STK32B: variants seen among roughly 807,000 people sequenced by gnomAD.
STK32B encodes serine/threonine kinase 32B.
A neutral mutation model predicts 52.6 loss-of-function variants in STK32B; 43 were observed. The ratio of observed to expected loss-of-function variants is 0.82; its 90% CI spans 0.64 to 1.05. The LOEUF is 1.05. STK32B is among the 50% of genes least tolerant of loss of function. The pLI is 0.00. For synonymous variants in STK32B, 238 were observed against 204.3 expected (o/e 1.17, Z -1.41); for missense variants, 621 against 534.6 (o/e 1.16, Z -1.59).
chr4:5,183,130 A>G (rs191697215), intron 3 of STK32B, among the ~76,000 whole-genome samples: 1 of 152,292 alleles, frequency 6.6e-6, no homozygotes, highest in Admixed American at 6.5e-5. Context: ...TTCAACTTAA[A>G]GTCACCGACT....
At chr4:5,295,722 T>G (rs1372027875) in intron 3 of STK32B, among the ~76,000 whole-genome samples, 1 of 152,132 alleles carries the variant, frequency 6.6e-6, no homozygotes, top group Admixed American at 6.5e-5. Context: ...AAAAACCAGC[T>G]CCTGGATTTA....
chr4:5,172,374 C>T (rs559169013), intron 3 of STK32B, among the ~76,000 whole-genome samples: 17 of 152,224 alleles, frequency 1.1e-4, no homozygotes, highest in East Asian at 3.9e-4. Flanking sequence ...AGAGGGCATC[C>T]GTGTCTTGTG....
chr4:5,048,301 T>A (rs992594368), upstream of STK32B, among the ~76,000 whole-genome samples: 1 of 148,340 alleles, frequency 6.7e-6, no homozygotes, highest in African/African-American at 2.5e-5. Flanking sequence ...GGCTAATTTT[T>A]TTTTTTTTTT....
chr4:5,042,600 C>T, the STK32B span, among the ~76,000 whole-genome samples: 3 of 152,206 alleles, frequency 2.0e-5, no homozygotes, highest in Non-Finnish European at 2.9e-5. Context: ...TCGCATTTCT[C>T]GGGGCTTGCA....
At chr4:5,482,076 T>C (rs1718762137) in intron 11 of STK32B, among the ~76,000 whole-genome samples, 3 of 152,206 alleles carry the variant, frequency 2.0e-5, no homozygotes, top group Admixed American at 2.0e-4. Context: ...GGGCTCTATT[T>C]TGGTTCCATA....
At chr4:5,348,770 CA>C (rs537558336) in intron 4 of STK32B, among the ~76,000 whole-genome samples, 43 of 152,314 alleles carry the variant, frequency 2.8e-4, no homozygotes, top group African/African-American at 9.6e-4. Context: ...CATGCACCAT[CA>C]GGGGGCCTGA....
chr4:5,156,463 G>C lies in STK32B; in HGVS notation c.109-11836G>C, dbSNP rs537677505. 3.9e-5 allele frequency among the ~76,000 whole-genome samples: 6 copies of C among 152,098 alleles called. No individual in the cohort carries two copies. The East Asian group carries it at 9.7e-4, about 25-fold the overall frequency. On this transcript the variant is annotated intron_variant, in intron 2 of 11. Coordinates refer to ENST00000282908, the MANE Select transcript of STK32B (RefSeq NM_018401.3). ...CACTCCTCTATTTCCACTCACCCTC[G>C]TCCAGCCCCTACTCTTCACTCTCCA...
intron 8 of STK32B, among the ~76,000 whole-genome samples, chr4:5,459,282 G>GGCCC (rs1716831935): frequency 2.3e-5 from 3 of 133,044 alleles, no homozygotes; most frequent in Non-Finnish European, 3.2e-5. Context: ...ACCCTGGTGT[G>GGCCC]CCCCCCCCCC....
At chr4:5,178,485 C>G (rs181200579) in intron 3 of STK32B, among the ~76,000 whole-genome samples, 1 of 152,328 alleles carries the variant, frequency 6.6e-6, no homozygotes, top group East Asian at 1.9e-4. Flanking sequence ...TCTTGGTGAT[C>G]AGCATTTGGC....
rs1308576053 is a variant in STK32B at position 5,453,372 on chromosome 4, T to C, written c.667-3435T>C. 6.6e-6 allele frequency among the ~76,000 whole-genome samples: 1 copy of C among 152,104 alleles called. No homozygotes were observed. The highest frequency in any genetic ancestry group is 6.5e-5 in the Admixed American group (1 of 15,274). On this transcript the variant is annotated intron_variant, in intron 7 of 11. Transcript: ENST00000282908. This position sits in a 1 kb window ranked among gnomAD's most constrained non-coding sequence, Gnocchi z 4.0. ...ATTTGTTTCTGGCTGGTGTTCAAGT[T>C]GGGTGCTTGGATTCTGGGTCTCTGG...
chr4:5,347,263 C>T (rs2108979847), intron 4 of STK32B, among the ~76,000 whole-genome samples: 1 of 152,348 alleles, frequency 6.6e-6, no homozygotes, highest in Middle Eastern at 3.4e-3. Context: ...CTAAAGACAG[C>T]TGGCACCTTT....
intron 3 of STK32B, among the ~76,000 whole-genome samples, chr4:5,302,231 T>A (rs934136751): frequency 6.6e-6 from 1 of 151,754 alleles, no homozygotes; most frequent in African/African-American, 2.4e-5. Context: ...TCACAAAGAA[T>A]TATATATGCT....
At chr4:5,346,361 T>C (rs1733457986) in intron 4 of STK32B, among the ~76,000 whole-genome samples, 1 of 152,200 alleles carries the variant, frequency 6.6e-6, no homozygotes, top group African/African-American at 2.4e-5. Context: ...GTGGCTTTAG[T>C]GGCTTAAATT....
At chr4:5,076,146 A>G (rs533508720) in intron 1 of STK32B, among the ~76,000 whole-genome samples, 14 of 152,136 alleles carry the variant, frequency 9.2e-5, no homozygotes, top group East Asian at 1.9e-4. Context: ...ATAAAGTCAC[A>G]TGACCAAGAG....
chr4:5,483,066 T>C (rs1446148291), intron 11 of STK32B, among the ~76,000 whole-genome samples: 5 of 152,226 alleles, frequency 3.3e-5, no homozygotes, highest in Non-Finnish European at 5.9e-5. Flanking sequence ...GTTGTGTCTC[T>C]TCCCGGCTTT....
At chr4:5,159,944 G>A (rs929371583) in intron 2 of STK32B, among the ~76,000 whole-genome samples, 4 of 151,862 alleles carry the variant, frequency 2.6e-5, no homozygotes, top group African/African-American at 9.7e-5. Flanking sequence ...GGCGTCTGCC[G>A]CAGAAACCCT....
chr4:5,282,353 C>G (rs1728256019), intron 3 of STK32B, among the ~76,000 whole-genome samples: 1 of 152,130 alleles, frequency 6.6e-6, no homozygotes, highest in African/African-American at 2.4e-5. Context: ...GTTAGCCTTC[C>G]ATATCTATGG....
chr4:5,256,734 T>C (rs938305086), intron 3 of STK32B, among the ~76,000 whole-genome samples: 3 of 152,232 alleles, frequency 2.0e-5, no homozygotes, highest in African/African-American at 7.2e-5. Flanking sequence ...TGAAGCCTTT[T>C]ATTAGCTGAA....
intron 4 of STK32B, among the ~76,000 whole-genome samples, chr4:5,372,911 A>G (rs993919607): frequency 6.6e-6 from 1 of 152,226 alleles, no homozygotes; most frequent in East Asian, 1.9e-4. Context: ...TCTTCAGGAC[A>G]TAAGACCCAT....
Sources: allele counts gnomAD v4.1 joint callset (sites outside exome capture counted in the v4.1 genomes callset), GRCh38; gene constraint gnomAD v4.1.1; non-coding constraint Gnocchi (gnomAD v3.1); transcripts MANE v1.5; gene names NCBI Gene and HGNC (gene_info 2026-07-23, HGNC 2026-07-21).